MAML2: variants seen among roughly 807,000 people sequenced by gnomAD.
The protein encoded by MAML2 is mastermind-like protein 2.
In MAML2, 22 loss-of-function variants were observed where a neutral mutation model predicts 96.1. That is an observed-to-expected ratio of 0.23 (90% CI 0.16 to 0.33). The LOEUF (loss-of-function observed/expected upper bound fraction) is 0.33, where lower values mean the gene tolerates loss of function less well. Ranked by LOEUF, MAML2 falls within the 10% of genes least tolerant of loss-of-function variation. The pLI, the probability that MAML2 is intolerant of heterozygous loss-of-function variation, is 1.00. For missense variants in MAML2, 1,367 were observed against 1,392.4 expected (o/e 0.98, Z 0.29); for synonymous variants, 561 against 521.3 (o/e 1.08, Z -1.04).
chr11:96,170,503 T>C (rs148970976), intron 1 of MAML2, among the ~76,000 whole-genome samples: 1 of 152,318 alleles, frequency 6.6e-6, no homozygotes, highest in East Asian at 1.9e-4. Context: ...AAATTGAAGG[T>C]AGCTCAAAGA....
At chr11:96,121,891 A>C (rs931997972) in intron 1 of MAML2, among the ~76,000 whole-genome samples, 1 of 129,238 alleles carries the variant, frequency 7.7e-6, no homozygotes, top group Non-Finnish European at 1.6e-5. Context: ...GGTTCACGCG[A>C]TTCTGCTGCT....
At chr11:96,225,758 G>A (rs756500323) in intron 1 of MAML2, among the ~76,000 whole-genome samples, 16 of 152,020 alleles carry the variant, frequency 1.1e-4, no homozygotes, top group Admixed American at 3.9e-4. Flanking sequence ...ACTTGAATCT[G>A]GGAGGCGAAG....
In MAML2 at chr11:96,325,068, G is replaced by T. The variant is rs565104484; in HGVS notation, c.513+16315C>A. On this transcript the variant is annotated intron_variant, in intron 1 of 4. Coordinates refer to ENST00000524717, the MANE Select transcript of MAML2 (RefSeq NM_032427.4). ...CTTATTCTAGACTTGGTGTGCCCTG[G>T]GTGTCTGACATCCTCATTCCATTCA... is the stretch of plus-strand genomic sequence containing the variant. 3.9e-5 allele frequency among the ~76,000 whole-genome samples: 6 copies of T among 152,126 alleles called. No individual in the cohort carries two copies. The South Asian group carries it at 1.2e-3, about 32-fold the overall frequency.
intron 1 of MAML2, among the ~76,000 whole-genome samples, chr11:96,157,418 C>T (rs747859630): frequency 1.3e-5 from 2 of 152,228 alleles, no homozygotes; most frequent in Non-Finnish European, 2.9e-5. Context: ...GGAGGAACAG[C>T]GAGTGCTACA....
At chr11:96,052,213 C>T (rs1021003319) in intron 2 of MAML2, among the ~76,000 whole-genome samples, 1 of 152,046 alleles carries the variant, frequency 6.6e-6, no homozygotes, top group South Asian at 2.1e-4. Flanking sequence ...TTGGGTGAAC[C>T]AAGGTAGTGA....
At chr11:96,159,349 T>C (rs1178182014) in intron 1 of MAML2, among the ~76,000 whole-genome samples, 1 of 151,142 alleles carries the variant, frequency 6.6e-6, no homozygotes, top group Admixed American at 6.6e-5. Flanking sequence ...TGTCAGTCCC[T>C]TACCCCATCT....
chr11:96,266,077 T>G (rs926184211), intron 1 of MAML2, among the ~76,000 whole-genome samples: 1 of 152,100 alleles, frequency 6.6e-6, no homozygotes, highest in African/African-American at 2.4e-5. Context: ...GCTGTAAACA[T>G]TCACCCCTAG....
intron 2 of MAML2, among the ~76,000 whole-genome samples, chr11:96,001,116 A>G (rs1367387916): frequency 6.6e-6 from 1 of 152,244 alleles, no homozygotes; most frequent in Non-Finnish European, 1.5e-5. Flanking sequence ...AAATGATTAG[A>G]ATGAATTTCA....
At chr11:96,106,206 A>G (rs1163006621) in intron 1 of MAML2, among the ~76,000 whole-genome samples, 2 of 152,202 alleles carry the variant, frequency 1.3e-5, no homozygotes, top group African/African-American at 4.8e-5. Context: ...TCTCCACCTG[A>G]CAGATTCTAA....
At chr11:96,251,191 T>C (rs142896184) in intron 1 of MAML2, among the ~76,000 whole-genome samples, 2 of 152,218 alleles carry the variant, frequency 1.3e-5, no homozygotes. Flanking sequence ...GAAAATCATG[T>C]CCCGCAAAAT....
chr11:96,118,957 C>G (rs1860291041), intron 1 of MAML2, among the ~76,000 whole-genome samples: 1 of 151,864 alleles, frequency 6.6e-6, no homozygotes, highest in African/African-American at 2.4e-5. Context: ...TTCTTTTACT[C>G]TGAACCCTCT....
chr11:96,154,369 C>T (rs1367097663), intron 1 of MAML2, among the ~76,000 whole-genome samples: 1 of 152,214 alleles, frequency 6.6e-6, no homozygotes, highest in South Asian at 2.1e-4. Flanking sequence ...CCAGCACATA[C>T]ACTTACTCCA....
chr11:96,251,349 A>T (rs1182686253), intron 1 of MAML2, among the ~76,000 whole-genome samples: 1 of 151,968 alleles, frequency 6.6e-6, no homozygotes, highest in Non-Finnish European at 1.5e-5. Flanking sequence ...CTACGGTACC[A>T]TTTTTTTTCT....
chr11:96,264,355 A>G (rs1233214744), intron 1 of MAML2, among the ~76,000 whole-genome samples: 2 of 152,216 alleles, frequency 1.3e-5, no homozygotes, highest in Non-Finnish European at 2.9e-5. Flanking sequence ...TGGAGAAAAA[A>G]TTATCTCCAA....
Position 96,330,503 on chromosome 11 carries a change from T to C in MAML2, c.513+10880A>G, listed in dbSNP as rs77499841. ...TGCTAAAATTTTCCAGCTCTGATTC[T>C]GTTAAACTTTTCTACTTACAAACCA... is the stretch of plus-strand genomic sequence containing the variant. On this transcript the variant is annotated intron_variant, in intron 1 of 4. Transcript: ENST00000524717. Among the ~76,000 whole-genome samples, 618 of 152,368 alleles carry C rather than the reference T, an allele frequency of 4.1e-3. 6 individuals carry two copies. The highest frequency in any genetic ancestry group is 0.015 in the African/African-American group (606 of 41,582).
intron 2 of MAML2, among the ~76,000 whole-genome samples, chr11:96,021,230 C>G (rs1858430789): frequency 6.6e-6 from 1 of 152,180 alleles, no homozygotes; most frequent in African/African-American, 2.4e-5. Flanking sequence ...AGACTGGGAG[C>G]TCTTTGAAGG....
intron 4 of MAML2, 81 bp from the exon 5 acceptor site, chr11:95,980,044 T>C: frequency 9.3e-7 from 1 of 1,072,974 alleles, no homozygotes; most frequent in South Asian, 1.6e-5. Flanking sequence ...AACTCATCAA[T>C]CTGAAACTGC....
chr11:96,002,908 A>G (rs1295056657), intron 2 of MAML2, among the ~76,000 whole-genome samples: 34 of 101,914 alleles, frequency 3.3e-4, no homozygotes, highest in Non-Finnish European at 4.5e-4. Flanking sequence ...GGATGATGAG[A>G]AAGATGATGG....
At position 96,241,817 on chromosome 11, in the gene MAML2, G is replaced by A. The variant is rs11021491; in HGVS notation, c.513+99566C>T. Reference sequence around the variant, plus strand: ...ACTTGTGGAAGTTTTCGAAATTCTAGTTTTGCTCTGTTCAATCATTTTAGA... The same window carrying A: ...ACTTGTGGAAGTTTTCGAAATTCTAATTTTGCTCTGTTCAATCATTTTAGA... On this transcript the variant is annotated intron_variant, in intron 1 of 4. Coordinates refer to ENST00000524717, the MANE Select transcript of MAML2 (RefSeq NM_032427.4). Among the ~76,000 whole-genome samples, 1,048 of 152,268 alleles carry A rather than the reference G, an allele frequency of 6.9e-3. 8 individuals carry two copies. The highest frequency in any genetic ancestry group is 0.024 in the African/African-American group (1,001 of 41,542).
Sources: gnomAD v4.1 joint callset for allele counts (sites outside exome capture counted in the v4.1 genomes callset) on GRCh38, gnomAD v4.1.1 for gene constraint, MANE v1.5 for transcripts, NCBI Gene and HGNC (gene_info 2026-07-23, HGNC 2026-07-21) for gene names.